LMO7: variants seen among roughly 807,000 people sequenced by gnomAD.
The protein encoded by LMO7 is LIM domain only protein 7.
In LMO7, 120 loss-of-function variants were observed where a neutral mutation model predicts 206.5. That is an observed-to-expected ratio of 0.58 (90% CI 0.50 to 0.68). The LOEUF (loss-of-function observed/expected upper bound fraction) is 0.68. LMO7 is among the 30% of genes least tolerant of loss of function. The pLI is 0.00. For synonymous variants in LMO7, 706 were observed against 681.5 expected, an observed-to-expected ratio of 1.04 and a Z score of -0.56; for missense variants, 1,959 against 1,957.9, an observed-to-expected ratio of 1.00 and a Z score of -0.01.
chr13:75,693,217 T>C (rs9573616), intron 1 of LMO7, among the ~76,000 whole-genome samples: 9,378 of 152,276 alleles, frequency 0.062, 576 homozygotes, highest in African/African-American at 0.15. Context: ...ATGCATGATA[T>C]AATCCATCAT....
chr13:75,621,917 AAGGC>A, intron 1 of LMO7: 1 of 1,359,170 alleles, frequency 7.4e-7, no homozygotes, highest in Non-Finnish European at 9.8e-7. Flanking sequence ...TGAAAGAACT[AAGGC>A]AGAGCATCTC....
chr13:75,695,737 A>G (rs904781279), intron 1 of LMO7, among the ~76,000 whole-genome samples: 6 of 152,234 alleles, frequency 3.9e-5, no homozygotes, highest in Admixed American at 1.3e-4. Context: ...AAATTTTGCC[A>G]TGAAAAGTCT....
intron 1 of LMO7, among the ~76,000 whole-genome samples, chr13:75,674,373 T>A (rs1002975369): frequency 4.6e-5 from 7 of 152,244 alleles, no homozygotes; most frequent in African/African-American, 1.7e-4. Context: ...TGCTTTTGGC[T>A]TGATAACTTG....
At chr13:75,634,852 A>G (rs1391537566), upstream of LMO7, among the ~76,000 whole-genome samples, 1 of 151,606 alleles carries the variant, frequency 6.6e-6, no homozygotes, top group Non-Finnish European at 1.5e-5. Context: ...CTAAAAATAT[A>G]AAAACTAGCT....
At chr13:75,810,296 G>C (rs547298684) in intron 11 of LMO7, among the ~76,000 whole-genome samples, 7 of 152,328 alleles carry the variant, frequency 4.6e-5, no homozygotes, top group Admixed American at 1.3e-4. Flanking sequence ...CAGTAGCTAA[G>C]TATCTTCCCT....
intron 1 of LMO7, among the ~76,000 whole-genome samples, chr13:75,660,073 G>A (rs146283467): frequency 6.6e-6 from 1 of 152,122 alleles, no homozygotes; most frequent in East Asian, 1.9e-4. Context: ...TCAAATTTTA[G>A]TTAATAGTTC....
intron 3 of LMO7, among the ~76,000 whole-genome samples, chr13:75,737,098 C>T (rs951282335): frequency 3.3e-5 from 5 of 152,046 alleles, no homozygotes; most frequent in African/African-American, 1.2e-4. Context: ...GATGATATAA[C>T]TAGTTATAAT....
intron 1 of LMO7, among the ~76,000 whole-genome samples, chr13:75,676,238 A>G (rs2040005115): frequency 6.6e-6 from 1 of 152,152 alleles, no homozygotes; most frequent in Non-Finnish European, 1.5e-5. Flanking sequence ...CAAGTATAAC[A>G]TATTAATTAT....
At chr13:75,818,116 T>C (rs1240035946) in intron 12 of LMO7, among the ~76,000 whole-genome samples, 2 of 152,210 alleles carry the variant, frequency 1.3e-5, no homozygotes, top group African/African-American at 4.8e-5. Flanking sequence ...CCTCTTTTAA[T>C]TGGGAACTCA....
intron 4 of LMO7, among the ~76,000 whole-genome samples, chr13:75,767,929 T>C (rs1378341285): frequency 3.3e-5 from 5 of 152,096 alleles, no homozygotes; most frequent in Admixed American, 6.6e-5. Flanking sequence ...TATTGCTTGC[T>C]CTGTGTCAAA....
chr13:75,733,151 C>G (rs2045437459), intron 3 of LMO7, among the ~76,000 whole-genome samples: 1 of 152,246 alleles, frequency 6.6e-6, no homozygotes, highest in African/African-American at 2.4e-5. Context: ...CTGCTCTTTT[C>G]AAAGCTGTCA....
rs577834182 is a variant in LMO7, at chr13:75,639,949, G to T, written c.69+3223G>T. ...GAGCTCATTGCCAAGTCTGGCACTAGAATATGAGTCCTTCCTCACTTCTAA... is the reference window on the plus strand; with the variant it reads ...GAGCTCATTGCCAAGTCTGGCACTATAATATGAGTCCTTCCTCACTTCTAA... On this transcript the variant is annotated intron_variant, in intron 1 of 30. Coordinates refer to ENST00000377534, the MANE Select transcript of LMO7 (RefSeq NM_001306080.2). 7.2e-5 allele frequency among the ~76,000 whole-genome samples: 11 copies of T among 152,280 alleles called. No homozygotes were observed. The South Asian group carries it at 2.3e-3, about 32-fold the overall frequency.
Position 75,727,946 on chromosome 13 carries a change from G to T in LMO7, c.210+848G>T, listed in dbSNP as rs9544037. On this transcript the variant is annotated intron_variant, in intron 3 of 30. Coordinates refer to ENST00000377534, the MANE Select transcript of LMO7 (RefSeq NM_001306080.2). ...CAGTTTCATCCATGTCCCTACAAAG[G>T]ACATGAACGCATCATTTTTTATGGC... Among the ~76,000 whole-genome samples, 161 of 152,082 alleles carry T rather than the reference G, an allele frequency of 1.1e-3. 1 individual carries two copies. Among genetic ancestry groups the T allele is most frequent in the Non-Finnish European group, 2.0e-3 (134 of 67,992 alleles).
At chr13:75,634,445 A>AT (rs2035470638), upstream of LMO7, among the ~76,000 whole-genome samples, 1 of 150,610 alleles carries the variant, frequency 6.6e-6, no homozygotes, top group Non-Finnish European at 1.5e-5. Flanking sequence ...AAAACTTAAA[A>AT]AACAAACAAG....
chr13:75,816,785 G>T (rs1174314070), intron 11 of LMO7: 1 of 155,288 alleles, frequency 6.4e-6, no homozygotes, highest in Non-Finnish European at 1.4e-5. Context: ...TATCTTTGAA[G>T]GAGATAGAAA....
chr13:75,760,713 C>T (rs1235467985), intron 3 of LMO7: 1 of 1,532,556 alleles, frequency 6.5e-7, no homozygotes, highest in Admixed American at 2.0e-5. Context: ...CAGTGTATGC[C>T]CGGGCATAAG....
At chr13:75,722,993 A>G (rs1196291278) in intron 2 of LMO7, among the ~76,000 whole-genome samples, 2 of 152,196 alleles carry the variant, frequency 1.3e-5, no homozygotes, top group African/African-American at 4.8e-5. Context: ...TAAGAATGAT[A>G]CATTGGACTT....
chr13:75,747,452 C>G (rs1462131371), intron 3 of LMO7, among the ~76,000 whole-genome samples: 2 of 152,210 alleles, frequency 1.3e-5, no homozygotes, highest in Non-Finnish European at 2.9e-5. Context: ...TAGCCTGTAA[C>G]ACGAGAAGTT....
At chr13:75,673,623 CT>C (rs2039772042) in intron 1 of LMO7, among the ~76,000 whole-genome samples, 1 of 152,164 alleles carries the variant, frequency 6.6e-6, no homozygotes, top group Non-Finnish European at 1.5e-5. Context: ...GGATTTCTTG[CT>C]GCTTAGAACA....
Sources: gnomAD v4.1 joint callset for allele counts (sites outside exome capture counted in the v4.1 genomes callset) on GRCh38, gnomAD v4.1.1 for gene constraint, MANE v1.5 for transcripts, NCBI Gene and HGNC (gene_info 2026-07-23, HGNC 2026-07-21) for gene names.